The following SRGAP1 variants were observed in gnomAD, a reference collection of about 807,000 sequenced individuals.
SRGAP1 encodes SLIT-ROBO Rho GTPase-activating protein 1.
In SRGAP1, 43 loss-of-function variants were observed where a neutral mutation model predicts 121.9. The ratio of observed to expected loss-of-function variants is 0.35; its 90% confidence interval spans 0.28 to 0.46. The LOEUF (loss-of-function observed/expected upper bound fraction) is 0.46. Among genes scored for constraint, SRGAP1 ranks in the 20% least tolerant of loss-of-function variants. The pLI, the probability that SRGAP1 is intolerant of heterozygous loss-of-function variation, is 1.00. For missense variants in SRGAP1, 1,102 were observed against 1,350.9 expected, an observed-to-expected ratio of 0.82 and a Z score of 2.89; for synonymous variants, 447 against 485.4, an observed-to-expected ratio of 0.92 and a Z score of 1.04.
chr12:63,894,979 T>G (rs1486615183), intron 1 of SRGAP1, among the ~76,000 whole-genome samples: 2 of 152,208 alleles, frequency 1.3e-5, no homozygotes, highest in Non-Finnish European at 2.9e-5. Context: ...TTATAATCCT[T>G]TGGGTCTATA....
At chr12:64,141,871 C>A (rs909140482) in intron 21 of SRGAP1, among the ~76,000 whole-genome samples, 1 of 152,036 alleles carries the variant, frequency 6.6e-6, no homozygotes, top group Admixed American at 6.6e-5. Context: ...GTAGCACATA[C>A]CTGTGGTCCC....
At chr12:64,088,995 T>G (rs1312598379) in intron 11 of SRGAP1, among the ~76,000 whole-genome samples, 1 of 152,184 alleles carries the variant, frequency 6.6e-6, no homozygotes, top group Non-Finnish European at 1.5e-5. Context: ...AATAACCACA[T>G]TTTCTAGTTT....
chr12:63,949,320 T>G (rs17099952), intron 1 of SRGAP1, among the ~76,000 whole-genome samples: 61,828 of 141,804 alleles, frequency 0.44, 14,266 homozygotes, highest in African/African-American at 0.57. Context: ...GATAGCTGCT[T>G]AGTCACAACT....
At chr12:64,032,050 A>G (rs1263959285) in intron 4 of SRGAP1, among the ~76,000 whole-genome samples, 4 of 152,228 alleles carry the variant, frequency 2.6e-5, no homozygotes, top group African/African-American at 9.6e-5. Flanking sequence ...ACTTTTCCTT[A>G]GTTCAACTAA....
chr12:63,912,296 A>G (rs141548996), intron 1 of SRGAP1, among the ~76,000 whole-genome samples: 18 of 152,232 alleles, frequency 1.2e-4, no homozygotes, highest in African/African-American at 4.1e-4. Flanking sequence ...AATTTATTCA[A>G]TGTCACGGAG....
At chr12:63,884,158 C>T (rs1342378177) in intron 1 of SRGAP1, among the ~76,000 whole-genome samples, 1 of 151,866 alleles carries the variant, frequency 6.6e-6, no homozygotes, top group Non-Finnish European at 1.5e-5. Flanking sequence ...TGGCGCATGC[C>T]TGTAATCCCA....
chr12:64,063,185 T>C lies in SRGAP1; in HGVS notation c.1023+47T>C, dbSNP rs545431477. 4 of 1,497,484 alleles carry C rather than the reference T, an allele frequency of 2.7e-6. No homozygotes were observed. In the African/African-American group the frequency reaches 4.1e-5, roughly 15 times the overall value. The allele number at this position is 1,497,484 out of a possible 1,614,324, so 92.8% of individuals were successfully genotyped here. Reference sequence around the variant, plus strand: ...AAATAATGAATTGTCTCTTCACTTATATTTCTCCTCACTTGCTATAATCTA... The same window carrying C: ...AAATAATGAATTGTCTCTTCACTTACATTTCTCCTCACTTGCTATAATCTA... On this transcript the variant is annotated intron_variant, in intron 7 of 21. Transcript: ENST00000355086.
chr12:63,957,500 G>A (rs1426333942), intron 1 of SRGAP1, among the ~76,000 whole-genome samples: 8 of 152,250 alleles, frequency 5.3e-5, no homozygotes, highest in South Asian at 2.1e-4. Context: ...CAGGCATAGC[G>A]CAGCCTGGCC....
At chr12:63,849,763 C>T (rs920639195) in intron 1 of SRGAP1, among the ~76,000 whole-genome samples, 11 of 152,242 alleles carry the variant, frequency 7.2e-5, no homozygotes, top group African/African-American at 2.4e-4. Flanking sequence ...ATTTTTTCTC[C>T]AACCCACTCA....
intron 18 of SRGAP1, among the ~76,000 whole-genome samples, chr12:64,120,996 C>T (rs773112519): frequency 4.8e-5 from 7 of 146,218 alleles, no homozygotes; most frequent in Non-Finnish European, 7.5e-5. Context: ...AAAAAGAAAG[C>T]TTCTTTGTGT....
At chr12:63,881,832 G>A (rs1900205526) in intron 1 of SRGAP1, among the ~76,000 whole-genome samples, 1 of 151,954 alleles carries the variant, frequency 6.6e-6, no homozygotes, top group African/African-American at 2.4e-5. Context: ...TATTCCTCTG[G>A]AGAATCTTTG....
Position 64,142,312 on chromosome 12 carries a change from G to A in SRGAP1, c.2898G>A (p.Met966Ile). ...TTCAATAGGATATTGAAGAAACGAT[G>A]AACACAGCTTTGAATGAACTCCGAG... ...ETIAQDIEET[M>I]NTALNELREL... Residue 966 changes from methionine to isoleucine, a missense_variant, in exon 22 of 22, where the codon ATG becomes ATA. Physicochemically the swap from Met to Ile is conservative, Grantham distance 10. Around this residue, in one of 3 missense-constraint regions of SRGAP1, gnomAD observed 315 missense variants for 343.1 expected, o/e 0.92. Coordinates refer to ENST00000355086, the MANE Select transcript of SRGAP1 (RefSeq NM_020762.4). 1 of 1,613,414 alleles carries A rather than the reference G, an allele frequency of 6.2e-7. No individual in the cohort carries two copies.
chr12:64,017,981 C>T (rs1310291184), intron 4 of SRGAP1, among the ~76,000 whole-genome samples: 1 of 151,836 alleles, frequency 6.6e-6, no homozygotes, highest in Non-Finnish European at 1.5e-5. Flanking sequence ...TTATTAAATA[C>T]AAATTTCTTT....
chr12:63,998,708 C>T (rs555163851), intron 3 of SRGAP1, among the ~76,000 whole-genome samples: 12 of 152,272 alleles, frequency 7.9e-5, no homozygotes, highest in African/African-American at 2.9e-4. Flanking sequence ...CACTCAAAAT[C>T]AAGCTCAGCC....
intron 8 of SRGAP1, among the ~76,000 whole-genome samples, chr12:64,077,915 C>T (rs1245137274): frequency 6.6e-6 from 1 of 152,082 alleles, no homozygotes; most frequent in African/African-American, 2.4e-5. Context: ...AAGAAAAAGA[C>T]TCATAACTTA....
chr12:63,992,261 T>C (rs1027258847), intron 3 of SRGAP1, among the ~76,000 whole-genome samples: 2 of 152,202 alleles, frequency 1.3e-5, no homozygotes, highest in Admixed American at 1.3e-4. Context: ...ATAAAGTTGA[T>C]AGAAACCTAG....
At chr12:63,902,108 A>G (rs2029963832) in intron 1 of SRGAP1, among the ~76,000 whole-genome samples, 1 of 152,234 alleles carries the variant, frequency 6.6e-6, no homozygotes, top group South Asian at 2.1e-4. Context: ...CGAGCTCAGG[A>G]GTTCGAAACC....
At chr12:63,956,190 A>G (rs1348652951) in intron 1 of SRGAP1, among the ~76,000 whole-genome samples, 2 of 152,104 alleles carry the variant, frequency 1.3e-5, no homozygotes, top group Non-Finnish European at 1.5e-5. Context: ...TTTTCTGTGA[A>G]AAGTACAAAA....
chr12:64,137,950 C>CT (rs2036880487), intron 21 of SRGAP1, among the ~76,000 whole-genome samples: 1 of 83,092 alleles, frequency 1.2e-5, no homozygotes, highest in South Asian at 4.3e-4. Context: ...CTTAATTGTG[C>CT]TTAAAAAAAA....
Sources: gnomAD v4.1 joint callset for allele counts (sites outside exome capture counted in the v4.1 genomes callset) on GRCh38, gnomAD v4.1.1 for gene constraint, gnomAD v4.1.1 regional missense constraint, MANE v1.5 for transcripts, NCBI Gene and HGNC (gene_info 2026-07-23, HGNC 2026-07-21) for gene names.